Variants in SRGAP2C observed in about 807,000 individuals in gnomAD.
SRGAP2C encodes SLIT-ROBO Rho GTPase activating protein 2C.
Under a neutral mutation model 25.1 loss-of-function variants are expected in SRGAP2C, and 15 were observed. The observed-to-expected ratio is 0.60, with a 90% CI of 0.40 to 0.92. SRGAP2C has a LOEUF of 0.92. Ranked by LOEUF, SRGAP2C falls within the 40% of genes least tolerant of loss-of-function variation. The pLI is 0.00. For missense variants in SRGAP2C, 144 were observed against 264.4 expected, an observed-to-expected ratio of 0.54 and a Z score of 3.16; for synonymous variants, 44 against 96.6, an observed-to-expected ratio of 0.46 and a Z score of 3.19.
intron 2 of SRGAP2C, among the ~76,000 whole-genome samples, chr1:121,257,139 G>A (rs1656490137): frequency 6.2e-5 from 1 of 16,028 alleles, no homozygotes; most frequent in African/African-American, 5.0e-4. Context: ...TTTTGAGACA[G>A]AGTCTTACTC....
intron 2 of SRGAP2C, among the ~76,000 whole-genome samples, chr1:121,222,978 A>C (rs1307292660): frequency 6.6e-6 from 1 of 151,626 alleles, no homozygotes; most frequent in Admixed American, 6.6e-5. Flanking sequence ...GGGCCTCCCC[A>C]GGGTTATCAG....
chr1:121,297,607 A>T (rs1406166332), intron 3 of SRGAP2C, among the ~76,000 whole-genome samples: 1 of 151,484 alleles, frequency 6.6e-6, no homozygotes, highest in Non-Finnish European at 1.5e-5. Flanking sequence ...GTAGCTGATA[A>T]TAATTATCAG....
chr1:121,294,977 CAT>C (rs1657566931), intron 3 of SRGAP2C, among the ~76,000 whole-genome samples: 2 of 92,548 alleles, frequency 2.2e-5, no homozygotes. Flanking sequence ...AAATCTTCAA[CAT>C]AAGGCTATAT....
intron 2 of SRGAP2C, among the ~76,000 whole-genome samples, chr1:121,216,169 C>A (rs1570711912): frequency 6.6e-6 from 1 of 152,116 alleles, no homozygotes. Flanking sequence ...GACACAGTAG[C>A]AGGAACAGAG....
intron 5 of SRGAP2C, among the ~76,000 whole-genome samples, chr1:121,372,045 A>AT (rs1202218825): frequency 2.0e-5 from 3 of 152,134 alleles, no homozygotes; most frequent in Non-Finnish European, 4.4e-5. Context: ...GTTGTTAAGT[A>AT]TTTTTTCTTC....
At position 121,392,294 on chromosome 1, in the gene SRGAP2C, CCCT is replaced by C. The variant is rs201217967; in HGVS notation, c.*4446_*4448del. On this transcript the variant is annotated 3_prime_UTR_variant, in exon 10 of 10. Coordinates refer to ENST00000367123, the MANE Select transcript of SRGAP2C (RefSeq NM_001329984.2). ...TTCACCTTTCTTCCTTCTTCCTTCC[CCCT>C]CCTCCTTTTTACTTTTCTTCCTCTT... is the stretch of plus-strand genomic sequence containing the variant. 1.3e-5 allele frequency: 2 copies of C among 151,578 alleles called. No homozygotes were observed. The highest frequency in any genetic ancestry group is 2.1e-4 in the South Asian group (1 of 4,798). 9.4% of individuals were successfully genotyped at this position (151,578 alleles called of 1,614,324 possible). A position where few individuals can be genotyped will look rare whatever the true frequency, so the allele number is the denominator to read the frequency against.
chr1:121,352,933 C>CA (rs1283029329), intron 4 of SRGAP2C, among the ~76,000 whole-genome samples: 1 of 142,272 alleles, frequency 7.0e-6, no homozygotes, highest in South Asian at 2.3e-4. Flanking sequence ...ACTAAAAATA[C>CA]AAAAAAATTA....
At chr1:121,263,515 A>C (rs1656684882) in intron 2 of SRGAP2C, among the ~76,000 whole-genome samples, 1 of 151,596 alleles carries the variant, frequency 6.6e-6, no homozygotes, top group Admixed American at 6.6e-5. Flanking sequence ...GATTTTTAAA[A>C]TTACTAATAA....
intron 3 of SRGAP2C, among the ~76,000 whole-genome samples, chr1:121,285,504 T>A (rs1364160538): frequency 6.8e-6 from 1 of 147,986 alleles, no homozygotes; most frequent in African/African-American, 2.5e-5. Context: ...TTCACCAAAC[T>A]GTCTTTAATT....
intron 3 of SRGAP2C, among the ~76,000 whole-genome samples, chr1:121,313,876 A>C (rs1473984256): frequency 7.8e-6 from 1 of 127,814 alleles, no homozygotes; most frequent in African/African-American, 2.9e-5. Flanking sequence ...CTTCATTTCA[A>C]CTTTGGTGAA....
chr1:121,372,921 A>C (rs1659536625), intron 5 of SRGAP2C, among the ~76,000 whole-genome samples: 1 of 91,540 alleles, frequency 1.1e-5, no homozygotes, highest in African/African-American at 4.2e-5. Context: ...ACACACACCC[A>C]ACTTCTACTC....
At position 121,259,843 on chromosome 1, in the gene SRGAP2C, C is replaced by CTT. The variant is rs782529398; in HGVS notation, c.68-24937_68-24936dup. On this transcript the variant is annotated intron_variant, in intron 2 of 9. Coordinates refer to ENST00000367123, the MANE Select transcript of SRGAP2C (RefSeq NM_001329984.2). Reference sequence around the variant, plus strand: ...AAATTTTTTCTTCTTTCTTCTTCTACTTTTTTTTTTTTTTTTTTTTTTTTA... The same window carrying CTT: ...AAATTTTTTCTTCTTTCTTCTTCTACTTTTTTTTTTTTTTTTTTTTTTTTTTA... Among the ~76,000 whole-genome samples, 83 of 107,710 alleles carry CTT rather than the reference C, an allele frequency of 7.7e-4. 1 individual carries two copies. Among genetic ancestry groups the CTT allele is most frequent in the East Asian group, 3.6e-3 (12 of 3,322 alleles). The allele number at this position is 107,710 out of a possible 152,430, so 70.7% of individuals were successfully genotyped here.
intron 3 of SRGAP2C, among the ~76,000 whole-genome samples, chr1:121,321,965 G>A (rs1331014461): frequency 2.0e-5 from 3 of 150,920 alleles, no homozygotes; most frequent in Admixed American, 6.6e-5. Flanking sequence ...CTTTACTATA[G>A]GTCTTTCTTT....
At chr1:121,303,743 C>T (rs1241734651) in intron 3 of SRGAP2C, among the ~76,000 whole-genome samples, 2 of 151,428 alleles carry the variant, frequency 1.3e-5, no homozygotes, top group African/African-American at 4.9e-5. Context: ...TATATTAAAG[C>T]CTATGAGATC....
chr1:121,259,663 T>C (rs587604239), intron 2 of SRGAP2C, among the ~76,000 whole-genome samples: 1 of 151,680 alleles, frequency 6.6e-6, no homozygotes, highest in South Asian at 2.1e-4. Flanking sequence ...TTTCAGTCAA[T>C]ACAATAAAGA....
rs587662590 is a variant in SRGAP2C, at chr1:121,235,614, C to A, written c.67+48101C>A. Among the ~76,000 whole-genome samples the A allele has an allele frequency of 4.0e-5, 2 of 50,154 alleles. 1 individual carries two copies. The highest frequency in any genetic ancestry group is 3.7e-4 in the Admixed American group (2 of 5,438). 32.9% of individuals were successfully genotyped at this position (50,154 alleles called of 152,430 possible). A position where few individuals can be genotyped will look rare whatever the true frequency, so the allele number is the denominator to read the frequency against. Reference sequence around the variant, plus strand: ...CTAAGCTGCTTAGCTCACATTCTGTCTTGCTTTTTCTGTTTTTTTTTTTTT... The same window carrying A: ...CTAAGCTGCTTAGCTCACATTCTGTATTGCTTTTTCTGTTTTTTTTTTTTT... On this transcript the variant is annotated intron_variant, in intron 2 of 9. Transcript: ENST00000367123.
chr1:121,377,950 G>A (rs12144557), intron 7 of SRGAP2C, among the ~76,000 whole-genome samples: 89,758 of 151,922 alleles, frequency 0.59, 26,732 homozygotes, highest in East Asian at 0.8. Flanking sequence ...ATGGGGAAGT[G>A]TGTGACAATA....
chr1:121,312,263 T>A (rs1657980850), intron 3 of SRGAP2C, among the ~76,000 whole-genome samples: 2 of 43,854 alleles, frequency 4.6e-5, no homozygotes, highest in Non-Finnish European at 9.1e-5. Flanking sequence ...GTGGGATCAG[T>A]GGTGATATCC....
At chr1:121,208,681 G>T (rs1486805898) in intron 2 of SRGAP2C, among the ~76,000 whole-genome samples, 1 of 151,244 alleles carries the variant, frequency 6.6e-6, no homozygotes, top group Non-Finnish European at 1.5e-5. Flanking sequence ...TGTCTGCTAA[G>T]CTATGAGCTC....
Sources: gnomAD v4.1 joint callset for allele counts (sites outside exome capture counted in the v4.1 genomes callset) on GRCh38, gnomAD v4.1.1 for gene constraint, MANE v1.5 for transcripts, NCBI Gene and HGNC (gene_info 2026-07-23, HGNC 2026-07-21) for gene names.